The following KLHL2 variants were observed in gnomAD, a reference collection of about 807,000 sequenced individuals.
KLHL2 encodes kelch like family member 2, also known as kelch-like protein 2.
In KLHL2, 15 loss-of-function variants were observed where a neutral mutation model predicts 75.8. The observed-to-expected ratio is 0.20, with a 90% confidence interval of 0.13 to 0.30. KLHL2 has a LOEUF of 0.30. Ranked by LOEUF, KLHL2 falls within the 10% of genes least tolerant of loss-of-function variation. The pLI, the probability that KLHL2 is intolerant of heterozygous loss-of-function variation, is 1.00. For missense variants in KLHL2, 381 were observed against 741.0 expected, an observed-to-expected ratio of 0.51 and a Z score of 5.64; for synonymous variants, 214 against 251.9, an observed-to-expected ratio of 0.85 and a Z score of 1.42.
In KLHL2 at chr4:165,252,213, C is replaced by G. The variant is rs373334704; in HGVS notation, c.382-10984C>G. Among the ~76,000 whole-genome samples the G allele has an allele frequency of 4.8e-5, 7 of 145,302 alleles. No homozygotes were observed. In the East Asian group the frequency reaches 1.4e-3, roughly 28 times the overall value. The stretch of plus-strand genomic sequence containing the variant: ...ATCAAAGTCCTTACTAGAAATATAT[C>G]CAGTTCAAAGTGGATTTTTTTTTTC... On this transcript the variant is annotated intron_variant, in intron 4 of 14. Transcript: ENST00000226725.
At chr4:165,318,354 T>A (rs1746729712) in intron 14 of KLHL2, among the ~76,000 whole-genome samples, 1 of 152,204 alleles carries the variant, frequency 6.6e-6, no homozygotes, top group Non-Finnish European at 1.5e-5. Context: ...ATAGTGAGGC[T>A]GTGGAATAAT....
intron 2 of KLHL2, among the ~76,000 whole-genome samples, chr4:165,220,877 C>CT (rs145533954): frequency 8.8e-5 from 13 of 147,964 alleles, no homozygotes; most frequent in South Asian, 2.1e-4. Flanking sequence ...AAATGAGTAG[C>CT]TTTTTTTTTA....
intron 5 of KLHL2, among the ~76,000 whole-genome samples, chr4:165,273,676 C>T (rs1280654956): frequency 3.3e-5 from 5 of 152,332 alleles, no homozygotes; most frequent in African/African-American, 9.6e-5. Context: ...CCTTGCCTTC[C>T]ACCATCATTG....
intron 4 of KLHL2, among the ~76,000 whole-genome samples, chr4:165,249,824 G>A (rs1340207823): frequency 6.6e-6 from 1 of 152,104 alleles, no homozygotes; most frequent in East Asian, 1.9e-4. Flanking sequence ...TAAACCTCAT[G>A]TTAAAAATAG....
intron 4 of KLHL2, among the ~76,000 whole-genome samples, chr4:165,242,653 C>T (rs1250830040): frequency 6.6e-6 from 1 of 152,018 alleles, no homozygotes; most frequent in African/African-American, 2.4e-5. Flanking sequence ...TGCACCATCA[C>T]GCCCGGCTAA....
intron 5 of KLHL2, among the ~76,000 whole-genome samples, chr4:165,285,369 G>T (rs1399305263): frequency 1.3e-5 from 2 of 152,138 alleles, no homozygotes; most frequent in Non-Finnish European, 2.9e-5. Context: ...TTTCATATTT[G>T]CAAGATGAAA....
At position 165,310,796 on chromosome 4, in the gene KLHL2, A is replaced by G. The variant is rs749087243; in HGVS notation, c.1237+46A>G. The G allele has an allele frequency of 2.1e-6, 3 of 1,421,754 alleles. No individual in the cohort carries two copies. In the South Asian group the frequency reaches 3.4e-5, roughly 16 times the overall value. The allele number at this position is 1,421,754 out of a possible 1,614,324, so 88.1% of individuals were successfully genotyped here. A position where few individuals can be genotyped will look rare whatever the true frequency, so the allele number is the denominator to read the frequency against. On this transcript the variant is annotated intron_variant, in intron 10 of 14. Transcript: ENST00000226725. ...TCTACATTGCTGCTAAAATTAACGT[A>G]GTAGTCATGTTTATGGAATAAATTG...
chr4:165,207,939 T>G lies in KLHL2; in HGVS notation c.26+37T>G. 1 of 1,354,340 alleles carries G rather than the reference T, an allele frequency of 7.4e-7. No homozygotes were observed. Among genetic ancestry groups the G allele is most frequent in the Non-Finnish European group, 9.5e-7 (1 of 1,048,712 alleles). 83.9% of individuals were successfully genotyped at this position (1,354,340 alleles called of 1,614,324 possible). On this transcript the variant is annotated intron_variant, in intron 1 of 14. Coordinates refer to ENST00000226725, the MANE Select transcript of KLHL2 (RefSeq NM_007246.4). This position sits in a 1 kb window ranked among gnomAD's most constrained non-coding sequence, Gnocchi z 4.2. Reference sequence around the variant, plus strand: ...GGCGGGCGGGCTGCGCCGCTGCGGATAAGCGCGCCGCTGCGGCGCGTGTCG... The same window carrying G: ...GGCGGGCGGGCTGCGCCGCTGCGGAGAAGCGCGCCGCTGCGGCGCGTGTCG...
chr4:165,291,996 C>T (rs897922224), intron 5 of KLHL2, among the ~76,000 whole-genome samples: 1 of 151,822 alleles, frequency 6.6e-6, no homozygotes, highest in African/African-American at 2.4e-5. Context: ...TGCTCGGTGT[C>T]CCATATACTT....
chr4:165,208,668 TTTTTAG>T (rs1443688822), intron 1 of KLHL2: 1 of 152,140 alleles, frequency 6.6e-6, no homozygotes, highest in African/African-American at 2.4e-5. Context: ...TAAATTTTAG[TTTTTAG>T]TTTTAAAAAC....
intron 7 of KLHL2, 71 bp from the exon 8 acceptor site, chr4:165,299,436 T>C (rs1014708324): frequency 1.4e-6 from 2 of 1,404,702 alleles, no homozygotes; most frequent in Non-Finnish European, 1.9e-6. Context: ...TCTCCTTTAC[T>C]TCTTTTTCTT....
At chr4:165,260,163 A>G (rs1741532000) in intron 4 of KLHL2, among the ~76,000 whole-genome samples, 1 of 152,322 alleles carries the variant, frequency 6.6e-6, no homozygotes, top group African/African-American at 2.4e-5. Flanking sequence ...GAAGCTGTAT[A>G]TAATTAATTA....
chr4:165,259,210 C>A (rs1741449822), intron 4 of KLHL2, among the ~76,000 whole-genome samples: 1 of 151,944 alleles, frequency 6.6e-6, no homozygotes, highest in African/African-American at 2.4e-5. Context: ...TCAAGCAATT[C>A]TCCTTCCTCA....
chr4:165,276,687 G>C (rs1743142898), intron 5 of KLHL2, among the ~76,000 whole-genome samples: 1 of 152,074 alleles, frequency 6.6e-6, no homozygotes, highest in South Asian at 2.1e-4. Flanking sequence ...GTTATAATAA[G>C]ATACTAAGCA....
intron 4 of KLHL2, among the ~76,000 whole-genome samples, chr4:165,259,804 A>T (rs10015050): frequency 0.056 from 8,567 of 152,256 alleles, 542 homozygotes; most frequent in African/African-American, 0.16. Context: ...TAGACCAAAG[A>T]GCTGACCAAT....
chr4:165,223,570 G>A (rs1738180504), intron 2 of KLHL2, among the ~76,000 whole-genome samples: 1 of 152,202 alleles, frequency 6.6e-6, no homozygotes, highest in Non-Finnish European at 1.5e-5. Flanking sequence ...GAAAAGGTTA[G>A]GAAGCAAGAG....
chr4:165,217,622 T>C (rs900523556), intron 1 of KLHL2, among the ~76,000 whole-genome samples: 5 of 152,182 alleles, frequency 3.3e-5, no homozygotes, highest in Non-Finnish European at 7.3e-5. Flanking sequence ...TGTGCACTTG[T>C]AGTAGGCAAG....
chr4:165,273,450 G>A (rs931024835), intron 5 of KLHL2, among the ~76,000 whole-genome samples: 1 of 152,100 alleles, frequency 6.6e-6, no homozygotes, highest in East Asian at 1.9e-4. Flanking sequence ...GTTTGATATG[G>A]TTTGGCTATG....
chr4:165,212,949 C>G (rs1312891327), intron 1 of KLHL2, among the ~76,000 whole-genome samples: 4 of 152,166 alleles, frequency 2.6e-5, no homozygotes, highest in African/African-American at 9.7e-5. Flanking sequence ...TTTTGAACTT[C>G]TCACATCTCT....
Sources: gnomAD v4.1 joint callset for allele counts (sites outside exome capture counted in the v4.1 genomes callset) on GRCh38, gnomAD v4.1.1 for gene constraint, Gnocchi (gnomAD v3.1) non-coding constraint, MANE v1.5 for transcripts, NCBI Gene and HGNC (gene_info 2026-07-23, HGNC 2026-07-21) for gene names.